MSI2: variants seen among roughly 807,000 people sequenced by gnomAD.
MSI2 encodes the protein musashi RNA binding protein 2.
In MSI2, 17 loss-of-function variants were observed where a neutral mutation model predicts 45.6. The ratio of observed to expected loss-of-function variants is 0.37; its 90% CI spans 0.26 to 0.56. The LOEUF (loss-of-function observed/expected upper bound fraction) is 0.56. Among genes scored for constraint, MSI2 ranks in the 20% least tolerant of loss-of-function variants. The pLI is 0.77. For synonymous variants in MSI2, 156 were observed against 158.2 expected (o/e 0.99, Z 0.11); for missense variants, 293 against 444.2 (o/e 0.66, Z 3.06).
intron 5 of MSI2, among the ~76,000 whole-genome samples, chr17:57,319,016 A>G (rs1376958084): frequency 1.3e-5 from 2 of 152,144 alleles, no homozygotes. Flanking sequence ...CCCTGAAAGG[A>G]CAACTTTTGT....
intron 5 of MSI2, among the ~76,000 whole-genome samples, chr17:57,293,466 C>T (rs932317486): frequency 3.3e-5 from 5 of 152,172 alleles, no homozygotes; most frequent in East Asian, 3.8e-4. Context: ...GCTGCAACAG[C>T]GCTTGGCTGT....
rs545841513 is a variant in MSI2 at position 57,468,469 on chromosome 17, C to T, written c.406-61207C>T. ...CTGGGAGGCGGAGCTTGCAGTGAGCCAAGATTGCGCCACTGCACTCCAGCC... is the reference window on the plus strand; with the variant it reads ...CTGGGAGGCGGAGCTTGCAGTGAGCTAAGATTGCGCCACTGCACTCCAGCC... On this transcript the variant is annotated intron_variant, in intron 6 of 13. Transcript: ENST00000284073. Among the ~76,000 whole-genome samples the T allele has an allele frequency of 2.6e-4, 36 of 136,330 alleles. No homozygotes were observed. In the East Asian group the frequency reaches 5.4e-3, roughly 20 times the overall value. 89.4% of individuals were successfully genotyped at this position (136,330 alleles called of 152,430 possible).
chr17:57,507,216 T>G (rs1347795049), intron 6 of MSI2, among the ~76,000 whole-genome samples: 3 of 134,100 alleles, frequency 2.2e-5, no homozygotes, highest in African/African-American at 8.8e-5. Flanking sequence ...GGTTTTTGTC[T>G]TTGTCTCTCT....
At chr17:57,615,188 C>A (rs1000173703) in intron 8 of MSI2, among the ~76,000 whole-genome samples, 1 of 147,712 alleles carries the variant, frequency 6.8e-6, no homozygotes, top group African/African-American at 2.5e-5. Flanking sequence ...AGTGCAGTGG[C>A]GTGATCATGG....
chr17:57,276,711 G>C (rs756474579), intron 5 of MSI2, among the ~76,000 whole-genome samples: 1 of 152,138 alleles, frequency 6.6e-6, no homozygotes, highest in Non-Finnish European at 1.5e-5. Context: ...GTAAGTAAAG[G>C]TCATCTCTCT....
chr17:57,638,304 T>C (rs1411758449), intron 10 of MSI2, among the ~76,000 whole-genome samples: 1 of 152,182 alleles, frequency 6.6e-6, no homozygotes, highest in Non-Finnish European at 1.5e-5. Context: ...GCCTCTGCTC[T>C]CTGTCACTTC....
At chr17:57,662,120 C>T (rs1271643196) in intron 11 of MSI2, among the ~76,000 whole-genome samples, 1 of 152,086 alleles carries the variant, frequency 6.6e-6, no homozygotes, top group Admixed American at 6.5e-5. Flanking sequence ...GCCCTTTGTT[C>T]CTGGTTGCTT....
chr17:57,430,541 C>T (rs1314554223), intron 6 of MSI2, among the ~76,000 whole-genome samples: 6 of 152,210 alleles, frequency 3.9e-5, no homozygotes, highest in African/African-American at 9.7e-5. Flanking sequence ...CAAAAGTTCT[C>T]GTTAATATGC....
At chr17:57,359,737 G>A (rs1356136398) in intron 5 of MSI2, among the ~76,000 whole-genome samples, 2 of 152,196 alleles carry the variant, frequency 1.3e-5, no homozygotes, top group African/African-American at 4.8e-5. Context: ...CTGAAGCCCT[G>A]TCGAGCCCTT....
At chr17:57,423,020 G>A (rs1329452571) in intron 6 of MSI2, among the ~76,000 whole-genome samples, 1 of 152,068 alleles carries the variant, frequency 6.6e-6, no homozygotes, top group Non-Finnish European at 1.5e-5. Context: ...CTTCTATGAG[G>A]AACTAAAGGG....
intron 5 of MSI2, among the ~76,000 whole-genome samples, chr17:57,398,653 G>A (rs112551224): frequency 6.6e-6 from 1 of 152,122 alleles, no homozygotes; most frequent in Non-Finnish European, 1.5e-5. Flanking sequence ...TTTATTTAGC[G>A]ACTACACAGT....
At chr17:57,456,127 T>C (rs2143584269) in intron 6 of MSI2, among the ~76,000 whole-genome samples, 1 of 152,220 alleles carries the variant, frequency 6.6e-6, no homozygotes, top group Non-Finnish European at 1.5e-5. Context: ...CCACTACGGT[T>C]TAACAGGAGC....
intron 6 of MSI2, among the ~76,000 whole-genome samples, chr17:57,428,871 T>C (rs2084542577): frequency 6.6e-6 from 1 of 152,204 alleles, no homozygotes; most frequent in East Asian, 1.9e-4. Context: ...GTGATTTCAG[T>C]GCCTTCTGCT....
At chr17:57,667,178 G>A (rs1002205599) in intron 11 of MSI2, among the ~76,000 whole-genome samples, 1 of 152,204 alleles carries the variant, frequency 6.6e-6, no homozygotes, top group Non-Finnish European at 1.5e-5. Context: ...CATGGCATGG[G>A]TGCTGCAGGT....
At chr17:57,270,128 A>G (rs1908220579) in intron 5 of MSI2, among the ~76,000 whole-genome samples, 1 of 152,206 alleles carries the variant, frequency 6.6e-6, no homozygotes, top group Non-Finnish European at 1.5e-5. Flanking sequence ...TAGCTGTGAG[A>G]TTTTGAATAG....
intron 6 of MSI2, among the ~76,000 whole-genome samples, chr17:57,465,765 A>T (rs2085318981): frequency 1.3e-5 from 2 of 151,972 alleles, no homozygotes; most frequent in South Asian, 4.2e-4. Context: ...CCTTGGTGGG[A>T]TTGGAACAGC....
the MSI2 span, among the ~76,000 whole-genome samples, chr17:57,700,433 C>A: frequency 1.3e-5 from 2 of 152,150 alleles, no homozygotes; most frequent in Admixed American, 6.5e-5. Flanking sequence ...ATTGAAGAAG[C>A]ATAAAAGTGC....
chr17:57,332,554 G>A (rs1199142827), intron 5 of MSI2, among the ~76,000 whole-genome samples: 1 of 152,134 alleles, frequency 6.6e-6, no homozygotes, highest in African/African-American at 2.4e-5. Context: ...TATGCTTCTT[G>A]TTGTTAGCCA....
At chr17:57,455,677 G>A (rs1223838767) in intron 6 of MSI2, among the ~76,000 whole-genome samples, 3 of 152,182 alleles carry the variant, frequency 2.0e-5, no homozygotes, top group Non-Finnish European at 4.4e-5. Context: ...GCAGGAGAGC[G>A]AGGGCAGCAG....
Sources: gnomAD v4.1 joint callset for allele counts (sites outside exome capture counted in the v4.1 genomes callset) on GRCh38, gnomAD v4.1.1 for gene constraint, MANE v1.5 for transcripts, NCBI Gene and HGNC (gene_info 2026-07-23, HGNC 2026-07-21) for gene names.